Variants in SLC14A2 observed in about 807,000 individuals in gnomAD.
SLC14A2 encodes the protein solute carrier family 14 member 2.
In SLC14A2, 91 loss-of-function variants were observed where a neutral mutation model predicts 104.6. The observed-to-expected ratio is 0.87, with a 90% CI of 0.73 to 1.04. The LOEUF is 1.04. SLC14A2 is among the 50% of genes least tolerant of loss of function. The pLI, the probability that SLC14A2 is intolerant of heterozygous loss-of-function variation, is 0.00. For synonymous variants in SLC14A2, 476 were observed against 466.4 expected, an observed-to-expected ratio of 1.02 and a Z score of -0.27; for missense variants, 1,189 against 1,156.0, an observed-to-expected ratio of 1.03 and a Z score of -0.41.
chr18:45,420,325 A>G (rs1460049767), intron 1 of SLC14A2, among the ~76,000 whole-genome samples: 1 of 151,612 alleles, frequency 6.6e-6, no homozygotes, highest in Non-Finnish European at 1.5e-5. Flanking sequence ...GAAGTCATAT[A>G]CCATAACTTC....
At chr18:45,468,708 C>A (rs955865106) in intron 1 of SLC14A2, among the ~76,000 whole-genome samples, 2 of 152,060 alleles carry the variant, frequency 1.3e-5, no homozygotes, top group African/African-American at 2.4e-5. Context: ...TCACTCTAAC[C>A]TGGAAGGGAA....
chr18:45,442,940 T>C (rs1330825875), intron 1 of SLC14A2, among the ~76,000 whole-genome samples: 2 of 152,204 alleles, frequency 1.3e-5, no homozygotes, highest in Non-Finnish European at 2.9e-5. Flanking sequence ...GCTAGGTTGT[T>C]GAAGCTTTTA....
intron 2 of SLC14A2, chr18:45,550,177 A>G (rs1227435792): frequency 1.3e-5 from 2 of 152,308 alleles, no homozygotes; most frequent in African/African-American, 4.8e-5. Flanking sequence ...ACCCATTACA[A>G]TTTGAACAAT....
chr18:45,514,088 C>G (rs2043404151), intron 2 of SLC14A2, among the ~76,000 whole-genome samples: 2 of 152,010 alleles, frequency 1.3e-5, no homozygotes, highest in African/African-American at 4.8e-5. Context: ...ACATTTTTTC[C>G]AAGGATGATA....
At chr18:45,488,456 G>T (rs2087656032) in intron 2 of SLC14A2, among the ~76,000 whole-genome samples, 1 of 152,202 alleles carries the variant, frequency 6.6e-6, no homozygotes, top group African/African-American at 2.4e-5. Flanking sequence ...GTGGTCAAAA[G>T]AGTAGAGTTC....
intron 1 of SLC14A2, among the ~76,000 whole-genome samples, chr18:45,424,747 A>G (rs1432197298): frequency 1.3e-5 from 2 of 152,236 alleles, no homozygotes; most frequent in Non-Finnish European, 2.9e-5. Flanking sequence ...TTTATCGTTT[A>G]TGGGCTGAGC....
rs117111250 is a variant in SLC14A2, at chr18:45,585,760, C to G, written c.-34-38871C>G. Reference sequence around the variant, plus strand: ...CACTCCCTCCCTACTGCAGATACCCCAGTACCCACCTGCCCCCTTCTCCCT... The same window carrying G: ...CACTCCCTCCCTACTGCAGATACCCGAGTACCCACCTGCCCCCTTCTCCCT... On this transcript the variant is annotated intron_variant, in intron 2 of 20. Coordinates refer to the SLC14A2 transcript ENST00000586448. Among the ~76,000 whole-genome samples, 376 of 152,308 alleles carry G rather than the reference C, an allele frequency of 2.5e-3. 1 individual carries two copies. The highest frequency in any genetic ancestry group is 3.4e-3 in the Middle Eastern group (1 of 294).
intron 2 of SLC14A2, among the ~76,000 whole-genome samples, chr18:45,554,317 C>T (rs544009980): frequency 1.1e-4 from 16 of 152,248 alleles, no homozygotes; most frequent in African/African-American, 2.6e-4. Flanking sequence ...GGAAAGCAAC[C>T]GATCAATTTA....
upstream of SLC14A2, among the ~76,000 whole-genome samples, chr18:45,612,618 A>G (rs1401350381): frequency 6.6e-6 from 1 of 152,232 alleles, no homozygotes; most frequent in East Asian, 1.9e-4. Context: ...CACCTCACAG[A>G]TGGGATGAGA....
intron 1 of SLC14A2, among the ~76,000 whole-genome samples, chr18:45,254,381 C>T (rs1250524373): frequency 6.6e-6 from 1 of 152,208 alleles, no homozygotes; most frequent in African/African-American, 2.4e-5. Flanking sequence ...AGCCACTAGG[C>T]ATCTTCAGCC....
intron 1 of SLC14A2, among the ~76,000 whole-genome samples, chr18:45,433,674 T>G (rs2086553365): frequency 6.6e-6 from 1 of 152,218 alleles, no homozygotes; most frequent in Admixed American, 6.5e-5. Context: ...TAAAGCTTCC[T>G]GATTATTTGG....
Position 45,400,977 on chromosome 18 carries a change from C to T in SLC14A2, c.-124-82256C>T, listed in dbSNP as rs145876522. Among the ~76,000 whole-genome samples the T allele has an allele frequency of 6.4e-3, 982 of 152,254 alleles. 9 individuals are homozygous for T. The highest frequency in any genetic ancestry group is 0.022 in the African/African-American group (928 of 41,532). On this transcript the variant is annotated intron_variant, in intron 1 of 20. Transcript: ENST00000586448. ...ATTTATTTGAATTGTACTTTCTCTG[C>T]CTTAGCTCTGTAGTCAGCCATTTCC...
intron 8 of SLC14A2, among the ~76,000 whole-genome samples, chr18:45,641,594 G>A (rs1269420547): frequency 6.6e-6 from 1 of 152,204 alleles, no homozygotes; most frequent in Non-Finnish European, 1.5e-5. Flanking sequence ...AATCACATAT[G>A]CATTTCCTTG....
chr18:45,339,105 T>G (rs1255043321), intron 1 of SLC14A2, among the ~76,000 whole-genome samples: 1 of 152,086 alleles, frequency 6.6e-6, no homozygotes, highest in Non-Finnish European at 1.5e-5. Context: ...TTGGGCTAAT[T>G]TTTCTGTTTC....
intron 2 of SLC14A2, among the ~76,000 whole-genome samples, chr18:45,556,129 G>C (rs1274923732): frequency 6.6e-6 from 1 of 152,182 alleles, no homozygotes; most frequent in African/African-American, 2.4e-5. Flanking sequence ...TGCTCATGTG[G>C]TGAAAGGGGC....
chr18:45,554,890 T>C (rs745395859), intron 2 of SLC14A2, among the ~76,000 whole-genome samples: 1 of 152,230 alleles, frequency 6.6e-6, no homozygotes, highest in African/African-American at 2.4e-5. Flanking sequence ...ATATTAGTTA[T>C]GCAGACATTT....
chr18:45,608,441 C>T (rs777123638), intron 2 of SLC14A2, among the ~76,000 whole-genome samples: 22 of 152,190 alleles, frequency 1.4e-4, no homozygotes, highest in Admixed American at 1.0e-3. Flanking sequence ...AACATGGCTC[C>T]GGAGTAAGTA....
chr18:45,434,606 G>A (rs1330835176), intron 1 of SLC14A2, among the ~76,000 whole-genome samples: 1 of 152,154 alleles, frequency 6.6e-6, no homozygotes, highest in African/African-American at 2.4e-5. Flanking sequence ...GCAGTCCTTG[G>A]AATCCCTGAA....
intron 1 of SLC14A2, among the ~76,000 whole-genome samples, chr18:45,219,746 A>G (rs918527787): frequency 5.3e-5 from 8 of 152,198 alleles, no homozygotes; most frequent in African/African-American, 1.9e-4. Context: ...CCTTTAGTTT[A>G]CTTTTAAACA....
Sources: gnomAD v4.1 joint callset for allele counts (sites outside exome capture counted in the v4.1 genomes callset) on GRCh38, gnomAD v4.1.1 for gene constraint, MANE v1.5 for transcripts, NCBI Gene and HGNC (gene_info 2026-07-23, HGNC 2026-07-21) for gene names.